The following FGR variants were observed in gnomAD, a reference collection of about 807,000 sequenced individuals.
The protein encoded by FGR is tyrosine-protein kinase Fgr.
A neutral mutation model predicts 63.2 loss-of-function variants in FGR; 26 were observed. The ratio of observed to expected loss-of-function variants is 0.41; its 90% CI spans 0.30 to 0.57. The LOEUF is 0.57. FGR is among the 20% of genes least tolerant of loss of function. The pLI is 0.27. For missense variants in FGR, 511 were observed against 690.8 expected, an observed-to-expected ratio of 0.74 and a Z score of 2.92; for synonymous variants, 286 against 277.7, an observed-to-expected ratio of 1.03 and a Z score of -0.30.
rs371312816 is a variant in FGR at position 27,613,018 on chromosome 1, G to T, written c.1486C>A (p.Arg496Ser). 7.4e-6 allele frequency: 12 copies of T among 1,614,074 alleles called. No homozygotes were observed. Among genetic ancestry groups the T allele is most frequent in the African/African-American group, 1.3e-5 (1 of 74,936 alleles). ...SLYEAMEQTW[R>S]LDPEERPTFE... ...GTAGGCCTCTCCTCCGGGTCCAGAC[G>T]CCAGGTCTGTTCCATGGCCTCGTAC... The change falls in exon 13 of 13, where the codon CGT becomes AGT. Residue 496 changes from arginine to serine, a missense_variant. Physicochemically the swap from Arg to Ser is moderately radical, Grantham distance 110. Coordinates refer to ENST00000374005, the MANE Select transcript of FGR (RefSeq NM_005248.3).
rs2089830324 is a variant in FGR at position 27,617,191 on chromosome 1, A to G, written c.532+2T>C. 6.2e-7 allele frequency: 1 copy of G among 1,612,394 alleles called. No homozygotes were observed. The highest frequency in any genetic ancestry group is 8.5e-7 in the Non-Finnish European group (1 of 1,178,632). ...CGCCTTGGGGCGTGGCACCACCCCT[A>G]CCTTTGGTGGTCTCGCTTTCCCGAA... On this transcript the variant is annotated splice_donor_variant, in intron 6 of 12. Coordinates refer to ENST00000374005, the MANE Select transcript of FGR (RefSeq NM_005248.3). LOFTEE classifies it high-confidence loss of function. This position sits in a 1 kb window ranked among gnomAD's most constrained non-coding sequence, Gnocchi z 4.5.
At chr1:27,631,838 G>C (rs2090109620) in intron 1 of FGR, among the ~76,000 whole-genome samples, 1 of 151,994 alleles carries the variant, frequency 6.6e-6, no homozygotes, top group Admixed American at 6.6e-5. Flanking sequence ...CGGGACTTTG[G>C]GCAGGGGCAG....
chr1:27,614,884 A>G lies in FGR; in HGVS notation c.1061T>C (p.Leu354Ser), dbSNP rs1486906319. 1 of 1,599,208 alleles carries G rather than the reference A, an allele frequency of 6.3e-7. No individual in the cohort carries two copies. ...DFLKNPEGQD[L>S]RLPQLVDMAA... ...CATGTCCACCAATTGGGGCAGCCTC[A>G]AATCCTGGCCCTCTGGGTTCTTGAG... is the stretch of plus-strand genomic sequence containing the variant. The change falls in exon 10 of 13, where the codon TTG becomes TCG. Residue 354 changes from leucine to serine, a missense_variant. Coordinates refer to ENST00000374005, the MANE Select transcript of FGR (RefSeq NM_005248.3).
At chr1:27,632,376 G>T (rs2090118481) in intron 1 of FGR, among the ~76,000 whole-genome samples, 1 of 151,998 alleles carries the variant, frequency 6.6e-6, no homozygotes, top group African/African-American at 2.4e-5. Context: ...GACCTCAGGT[G>T]ATCCACCCAC....
At chr1:27,628,298 T>C (rs1302283408) in intron 1 of FGR, among the ~76,000 whole-genome samples, 1 of 151,884 alleles carries the variant, frequency 6.6e-6, no homozygotes, top group Non-Finnish European at 1.5e-5. Flanking sequence ...CAGTGAGCTA[T>C]GATCATGCCA....
chr1:27,620,991 CAAAAAAAAAAAAAAA>C lies in FGR; in HGVS notation c.428+553_428+567del, dbSNP rs59265327. ...TAGGCAACAGAGTAGGACCCTGTCT[CAAAAAAAAAAAAAAA>C]AAAAAAAAAAAAAGAAAGAAAGAAA... On this transcript the variant is annotated intron_variant, in intron 5 of 12. Transcript: ENST00000374005. Among the ~76,000 whole-genome samples the C allele has an allele frequency of 3.6e-4, 8 of 22,040 alleles. No individual in the cohort carries two copies. In the East Asian group the frequency reaches 4.6e-3, roughly 13 times the overall value. The allele number at this position is 22,040 out of a possible 152,430, so 14.5% of individuals were successfully genotyped here.
rs1277396250 is a variant in FGR, at chr1:27,623,563, A to G, written c.226+128T>C. 3 of 929,856 alleles carry G rather than the reference A, an allele frequency of 3.2e-6. No individual in the cohort carries two copies. In the South Asian group the frequency reaches 4.2e-5, roughly 13 times the overall value. 57.6% of individuals were successfully genotyped at this position (929,856 alleles called of 1,614,324 possible). ...TGTACAGACTCCCTCAGCCCATGTG[A>G]TCTTGAAAGCGGGGTTGTATCTGCC... On this transcript the variant is annotated intron_variant, in intron 3 of 12. Transcript: ENST00000374005.
At position 27,632,620 on chromosome 1, in the gene FGR, C is replaced by T. The variant is rs1363535787; in HGVS notation, c.-77+2445G>A. Reference sequence around the variant, plus strand: ...CCGAGGCCATTAGCAGTTTTTTCCACTTCTTGTGGGTAAAAGTGGTTTTCC... The same window carrying T: ...CCGAGGCCATTAGCAGTTTTTTCCATTTCTTGTGGGTAAAAGTGGTTTTCC... On this transcript the variant is annotated intron_variant, in intron 1 of 12. Transcript: ENST00000374005. Among the ~76,000 whole-genome samples the T allele has an allele frequency of 5.3e-5, 8 of 152,152 alleles. No individual in the cohort carries two copies. The East Asian group carries it at 1.2e-3, about 22-fold the overall frequency.
intron 5 of FGR, 79 bp downstream of exon 5, chr1:27,621,480 A>C: frequency 2.0e-6 from 2 of 976,068 alleles, no homozygotes; most frequent in Non-Finnish European, 3.3e-6. Flanking sequence ...TGGAGCAATG[A>C]CTTGTCCAAG....
Position 27,615,886 on chromosome 1 carries a change from A to G in FGR, c.683-42T>C. 6.6e-7 allele frequency: 1 copy of G among 1,520,992 alleles called. No individual in the cohort carries two copies. Among genetic ancestry groups the G allele is most frequent in the Non-Finnish European group, 8.9e-7 (1 of 1,125,944 alleles). 94.2% of individuals were successfully genotyped at this position (1,520,992 alleles called of 1,614,324 possible). Reference sequence around the variant, plus strand: ...GAAGTAGAGTCACAGGTGGGCCAGGACACCCCCCTCCACTCCTTATCCTAT... The same window carrying G: ...GAAGTAGAGTCACAGGTGGGCCAGGGCACCCCCCTCCACTCCTTATCCTAT... On this transcript the variant is annotated intron_variant, in intron 7 of 12. Transcript: ENST00000374005. This position sits in a 1 kb window ranked among gnomAD's most constrained non-coding sequence, Gnocchi z 7.6.
chr1:27,631,728 G>T (rs79004605), intron 1 of FGR, among the ~76,000 whole-genome samples: 1,739 of 152,290 alleles, frequency 0.011, 20 homozygotes, highest in Middle Eastern at 0.048. Context: ...GGACCAGAGG[G>T]TACAGAACTG....
Position 27,617,320 on chromosome 1 carries a change from T to A in FGR, c.429-24A>T. 6.4e-7 allele frequency: 1 copy of A among 1,559,062 alleles called. No homozygotes were observed. Among genetic ancestry groups the A allele is most frequent in the African/African-American group, 1.4e-5 (1 of 73,902 alleles). ...ACCTGTTGGGAAAGGCAGGCAAGAG[T>A]CAGGTACGCTCTGCTCAAACCTCAC... On this transcript the variant is annotated intron_variant, in intron 5 of 12. Transcript: ENST00000374005. This position sits in a 1 kb window ranked among gnomAD's most constrained non-coding sequence, Gnocchi z 4.5.
chr1:27,612,818 T>C lies in FGR; in HGVS notation c.*96A>G. The C allele has an allele frequency of 8.4e-7, 1 of 1,192,940 alleles. No individual in the cohort carries two copies. The highest frequency in any genetic ancestry group is 2.1e-5 in the Admixed American group (1 of 46,832). 73.9% of individuals were successfully genotyped at this position (1,192,940 alleles called of 1,614,324 possible). A position where few individuals can be genotyped will look rare whatever the true frequency, so the allele number is the denominator to read the frequency against. ...CGTCCTCGGTGATGCTAGGACTCTA[T>C]GGGGTTCTAAGCCAGCCTGGGGGCT... On this transcript the variant is annotated 3_prime_UTR_variant, in exon 13 of 13. Coordinates refer to ENST00000374005, the MANE Select transcript of FGR (RefSeq NM_005248.3).
At position 27,635,174 on chromosome 1, in the gene FGR, C is replaced by G. The variant is rs1204179015; in HGVS notation, c.-186G>C. ...TGCTGCCCGCCTCTGACCGCCGCCC[C>G]TGCTGGGCAGGGAGGAGGAAGCCGC... On this transcript the variant is annotated 5_prime_UTR_variant, in exon 1 of 13. Coordinates refer to ENST00000374005, the MANE Select transcript of FGR (RefSeq NM_005248.3). The G allele has an allele frequency of 2.6e-5, 4 of 152,358 alleles. No homozygotes were observed. The highest frequency in any genetic ancestry group is 5.9e-5 in the Non-Finnish European group (4 of 68,134). The allele number at this position is 152,358 out of a possible 1,614,324, so 9.4% of individuals were successfully genotyped here.
intron 1 of FGR, among the ~76,000 whole-genome samples, chr1:27,627,397 A>G (rs546930192): frequency 1.1e-4 from 16 of 151,976 alleles, no homozygotes; most frequent in African/African-American, 3.4e-4. Context: ...CACCCCATAT[A>G]CACACACCTC....
intron 5 of FGR, among the ~76,000 whole-genome samples, chr1:27,619,542 C>A (rs1353528990): frequency 4.6e-5 from 7 of 152,214 alleles, no homozygotes; most frequent in African/African-American, 1.7e-4. Flanking sequence ...TCCCAAATTT[C>A]TGCCCTAGCC....
At chr1:27,626,819 G>A (rs902311371) in intron 1 of FGR, among the ~76,000 whole-genome samples, 3 of 152,092 alleles carry the variant, frequency 2.0e-5, no homozygotes, top group Non-Finnish European at 4.4e-5. Context: ...GCCATCCAGG[G>A]CCCAGCGGGA....
At chr1:27,619,471 A>G (rs1251270285) in intron 5 of FGR, among the ~76,000 whole-genome samples, 6 of 152,182 alleles carry the variant, frequency 3.9e-5, no homozygotes, top group Non-Finnish European at 5.9e-5. Flanking sequence ...GATTACATGC[A>G]TGTGTCACCG....
At position 27,635,122 on chromosome 1, in the gene FGR, AGTGCCGGC is replaced by A. The variant is rs2090161522; in HGVS notation, c.-142_-135del. 1 of 152,286 alleles carries A rather than the reference AGTGCCGGC, an allele frequency of 6.6e-6. No individual in the cohort carries two copies. Among genetic ancestry groups the A allele is most frequent in the African/African-American group, 2.4e-5 (1 of 41,432 alleles). 9.4% of individuals were successfully genotyped at this position (152,286 alleles called of 1,614,324 possible). On this transcript the variant is annotated 5_prime_UTR_variant, in exon 1 of 13. Coordinates refer to ENST00000374005, the MANE Select transcript of FGR (RefSeq NM_005248.3). ...GCCAGCCGGGGCTCCAGCAGCCGCG[AGTGCCGGC>A]GTGCGGGGAGAACTGGGGTGCTGCC...
Sources: allele counts gnomAD v4.1 joint callset (sites outside exome capture counted in the v4.1 genomes callset), GRCh38; gene constraint gnomAD v4.1.1; non-coding constraint Gnocchi (gnomAD v3.1); transcripts MANE v1.5; gene names NCBI Gene and HGNC (gene_info 2026-07-23, HGNC 2026-07-21).